Variants in SERINC3 observed in about 807,000 individuals in gnomAD.
The protein encoded by SERINC3 is serine incorporator 3.
A neutral mutation model predicts 52.1 loss-of-function variants in SERINC3; 22 were observed. That is an observed-to-expected ratio of 0.42 (90% CI 0.30 to 0.60). SERINC3 has a LOEUF of 0.60. Among genes scored for constraint, SERINC3 ranks in the 20% least tolerant of loss-of-function variants. SERINC3 has a pLI of 0.16. For synonymous variants in SERINC3, 226 were observed against 212.7 expected (o/e 1.06, Z -0.54); for missense variants, 564 against 584.6 (o/e 0.96, Z 0.36).
chr20:44,519,689 G>A (rs1221723693), intron 1 of SERINC3, among the ~76,000 whole-genome samples: 1 of 152,114 alleles, frequency 6.6e-6, no homozygotes, highest in Non-Finnish European at 1.5e-5. Flanking sequence ...GGAAGGCTGA[G>A]GTGGGAGGAT....
rs1360598960 is a variant in SERINC3 at position 44,510,685 on chromosome 20, G to A, written c.475+604C>T. On this transcript the variant is annotated intron_variant, in intron 4 of 9. Transcript: ENST00000342374. ...AAATTAGCTGGGCGTGGTGGTGGGC[G>A]CCTGTAATCCCAGCTACTCGGGAGA... Among the ~76,000 whole-genome samples, 5 of 151,920 alleles carry A rather than the reference G, an allele frequency of 3.3e-5. No homozygotes were observed. In the South Asian group the frequency reaches 6.2e-4, roughly 19 times the overall value.
chr20:44,501,884 A>G (rs575611020), intron 8 of SERINC3, among the ~76,000 whole-genome samples: 2 of 152,378 alleles, frequency 1.3e-5, no homozygotes, highest in South Asian at 2.1e-4. Context: ...AAATACAAAA[A>G]CAGGACAAAA....
intron 3 of SERINC3, among the ~76,000 whole-genome samples, 191 bp downstream of exon 3, chr20:44,512,609 CT>C (rs974448328): frequency 3.9e-5 from 6 of 152,256 alleles, no homozygotes; most frequent in East Asian, 3.9e-4. Context: ...ACAAGACCCC[CT>C]ATCCCCTCCA....
At chr20:44,515,178 A>C (rs1001811447) in intron 1 of SERINC3, among the ~76,000 whole-genome samples, 1 of 152,104 alleles carries the variant, frequency 6.6e-6, no homozygotes, top group Non-Finnish European at 1.5e-5. Context: ...ACATGATGAA[A>C]TCCCATCTCT....
chr20:44,512,771 T>C (rs1157713906), intron 3 of SERINC3, 30 bp downstream of exon 3: 5 of 1,517,494 alleles, frequency 3.3e-6, no homozygotes, highest in Non-Finnish European at 4.4e-6. Flanking sequence ...CACACCATAA[T>C]GTAACCAGTT....
chr20:44,503,479 C>T (rs1272135919), intron 8 of SERINC3, among the ~76,000 whole-genome samples: 1 of 152,178 alleles, frequency 6.6e-6, no homozygotes, highest in Non-Finnish European at 1.5e-5. Flanking sequence ...GAAACACTGT[C>T]TCTACTAAAA....
intron 2 of SERINC3, among the ~76,000 whole-genome samples, chr20:44,513,199 C>T (rs2064359279): frequency 6.6e-6 from 1 of 152,102 alleles, no homozygotes. Flanking sequence ...TAAAAATGCT[C>T]TCTCGGCTGG....
intron 1 of SERINC3, among the ~76,000 whole-genome samples, chr20:44,515,807 C>A (rs1305862035): frequency 6.6e-6 from 1 of 150,948 alleles, no homozygotes; most frequent in African/African-American, 2.4e-5. Flanking sequence ...TGCAATGCCA[C>A]CCCCAGCTGA....
At chr20:44,502,208 T>C (rs1410588891) in intron 8 of SERINC3, among the ~76,000 whole-genome samples, 1 of 152,238 alleles carries the variant, frequency 6.6e-6, no homozygotes, top group Non-Finnish European at 1.5e-5. Flanking sequence ...ATCTTGTTTA[T>C]AGGAAATCCT....
intron 5 of SERINC3, 127 bp downstream of exon 5, chr20:44,509,764 A>G: frequency 1.9e-6 from 2 of 1,031,210 alleles, no homozygotes; most frequent in Non-Finnish European, 2.9e-6. Flanking sequence ...TCCTGGATTC[A>G]AGCCATTCTC....
chr20:44,509,623 G>T (rs559889934), intron 5 of SERINC3, among the ~76,000 whole-genome samples: 1 of 152,162 alleles, frequency 6.6e-6, no homozygotes, highest in East Asian at 1.9e-4. Context: ...TGAACTCCTG[G>T]ATTCCAGAGA....
intron 1 of SERINC3, 92 bp from the exon 2 acceptor site, chr20:44,514,132 G>C: frequency 7.4e-7 from 1 of 1,349,974 alleles, no homozygotes. Flanking sequence ...GGCAAATCAG[G>C]CTTTATAGTT....
At chr20:44,515,060 T>C (rs1482519358) in intron 1 of SERINC3, among the ~76,000 whole-genome samples, 1 of 151,952 alleles carries the variant, frequency 6.6e-6, no homozygotes, top group African/African-American at 2.4e-5. Context: ...TAAGTAAAAA[T>C]ATGGTATATC....
intron 8 of SERINC3, 36 bp downstream of exon 8, chr20:44,503,779 C>A: frequency 6.9e-7 from 1 of 1,453,886 alleles, no homozygotes; most frequent in Non-Finnish European, 9.2e-7. Context: ...TTATCAACCT[C>A]CATGAAAATC....
At position 44,521,980 on chromosome 20, in the gene SERINC3, C is replaced by T. The variant is rs2064420625; in HGVS notation, c.-29G>A. The T allele has an allele frequency of 2.5e-6, 4 of 1,599,876 alleles. No individual in the cohort carries two copies. Among genetic ancestry groups the T allele is most frequent in the Non-Finnish European group, 3.4e-6 (4 of 1,173,412 alleles). On this transcript the variant is annotated 5_prime_UTR_variant, in exon 1 of 10. Coordinates refer to ENST00000342374, the MANE Select transcript of SERINC3 (RefSeq NM_006811.4). ...GACGCCAGTGATGGAGGTGGCCGGT[C>T]CTGAGGCTGCTTTCTAACACGGTGG...
rs368002170 is a variant in SERINC3 at position 44,501,045 on chromosome 20, T to G, written c.1283+28A>C. 6.2e-5 allele frequency: 95 copies of G among 1,540,632 alleles called. No individual in the cohort carries two copies. In the African/African-American group the frequency reaches 1.1e-3, roughly 18 times the overall value. On this transcript the variant is annotated intron_variant, in intron 9 of 9. Transcript: ENST00000342374. ...TAGGCCATCCAAGGGTTTTATGGTC[T>G]TCTGTCTGTTTTGTCTGTGTCTCCT...
chr20:44,515,175 G>A (rs1453953253), intron 1 of SERINC3, among the ~76,000 whole-genome samples: 1 of 152,144 alleles, frequency 6.6e-6, no homozygotes, highest in Non-Finnish European at 1.5e-5. Context: ...CCAACATGAT[G>A]AAATCCCATC....
At chr20:44,504,943 T>C in intron 6 of SERINC3, 52 bp from the exon 7 acceptor site, 1 of 1,440,214 alleles carries the variant, frequency 6.9e-7, no homozygotes, top group Non-Finnish European at 9.7e-7. Context: ...GGGCTGACTT[T>C]CCAAAATGCA....
At chr20:44,520,080 T>C (rs924264307) in intron 1 of SERINC3, among the ~76,000 whole-genome samples, 8 of 152,176 alleles carry the variant, frequency 5.3e-5, no homozygotes, top group Non-Finnish European at 1.2e-4. Flanking sequence ...ATTTAATGAA[T>C]GCTGACTACA....
Sources: allele counts gnomAD v4.1 joint callset (sites outside exome capture counted in the v4.1 genomes callset), GRCh38; gene constraint gnomAD v4.1.1; transcripts MANE v1.5; gene names NCBI Gene and HGNC (gene_info 2026-07-23, HGNC 2026-07-21).